The following RPS6KC1 variants were observed in gnomAD, a reference collection of about 807,000 sequenced individuals.
RPS6KC1 encodes the protein ribosomal protein S6 kinase C1.
A neutral mutation model predicts 103.8 loss-of-function variants in RPS6KC1; 54 were observed. The observed-to-expected ratio is 0.52, with a 90% CI of 0.42 to 0.65. The LOEUF (loss-of-function observed/expected upper bound fraction) is 0.65. Among genes scored for constraint, RPS6KC1 ranks in the 30% least tolerant of loss-of-function variants. The pLI is 0.00. For missense variants in RPS6KC1, 1,151 were observed against 1,253.8 expected (o/e 0.92, Z 1.24); for synonymous variants, 439 against 438.7 (o/e 1.00, Z -0.01).
chr1:213,272,698 G>A lies in RPS6KC1; in HGVS notation c.*64G>A. 8.3e-7 allele frequency: 1 copy of A among 1,204,000 alleles called. No individual in the cohort carries two copies. Among genetic ancestry groups the A allele is most frequent in the Non-Finnish European group, 1.2e-6 (1 of 812,480 alleles). The allele number at this position is 1,204,000 out of a possible 1,614,324, so 74.6% of individuals were successfully genotyped here. On this transcript the variant is annotated 3_prime_UTR_variant, in exon 15 of 15. Transcript: ENST00000366960. ...CTGTGACAGGCATCTCCAGCACTGA[G>A]GCACCTCTGACTCACAGTTACTTAT...
At chr1:213,058,786 A>G (rs954853811) in intron 1 of RPS6KC1, among the ~76,000 whole-genome samples, 1 of 152,178 alleles carries the variant, frequency 6.6e-6, no homozygotes, top group Non-Finnish European at 1.5e-5. Flanking sequence ...ATCTATAGCT[A>G]CAAAAAATCC....
At chr1:213,778,957 C>T in the RPS6KC1 span, among the ~76,000 whole-genome samples, 1 of 152,136 alleles carries the variant, frequency 6.6e-6, no homozygotes, top group Admixed American at 6.5e-5. Context: ...CTTTCCCAAG[C>T]ACACCAATGT....
the RPS6KC1 span, among the ~76,000 whole-genome samples, chr1:213,811,800 T>G: frequency 6.6e-6 from 1 of 152,230 alleles, no homozygotes; most frequent in East Asian, 1.9e-4. Flanking sequence ...TTTTGTGTTT[T>G]AGACTTTAGA....
At chr1:213,492,299 T>C in the RPS6KC1 span, 3 of 152,272 alleles carry the variant, frequency 2.0e-5, no homozygotes, top group African/African-American at 7.2e-5. Flanking sequence ...CCTTGGACAA[T>C]GGCTGCCCGT....
In RPS6KC1 at chr1:213,090,568, A is replaced by G. The variant is rs2080872128; in HGVS notation, c.262+12752A>G. Among the ~76,000 whole-genome samples the G allele has an allele frequency of 2.6e-5, 4 of 152,366 alleles. No homozygotes were observed. The South Asian group carries it at 8.3e-4, about 32-fold the overall frequency. On this transcript the variant is annotated intron_variant, in intron 3 of 14. Transcript: ENST00000366960. Reference sequence around the variant, plus strand: ...TATACAACAGGAAGAGTATAAATTCATACAGTTTCTTTGGAGGGCAATTTG... The same window carrying G: ...TATACAACAGGAAGAGTATAAATTCGTACAGTTTCTTTGGAGGGCAATTTG...
At chr1:213,530,840 A>G in the RPS6KC1 span, among the ~76,000 whole-genome samples, 1 of 152,204 alleles carries the variant, frequency 6.6e-6, no homozygotes, top group African/African-American at 2.4e-5. Flanking sequence ...GGGCAGGACA[A>G]GGCATGCCTC....
chr1:213,241,882 T>A lies in RPS6KC1; in HGVS notation c.2406T>A (p.Leu802=). 1 of 1,614,032 alleles carries A rather than the reference T, an allele frequency of 6.2e-7. No individual in the cohort carries two copies. The highest frequency in any genetic ancestry group is 8.5e-7 in the Non-Finnish European group (1 of 1,179,956). The change falls in exon 11 of 15, where the codon CTT becomes CTA. Residue 802 remains leucine (L), a synonymous_variant. Coordinates refer to ENST00000366960, the MANE Select transcript of RPS6KC1 (RefSeq NM_012424.6). ...GCTCAGATCCTAAGTTTCAAGGACT[T>A]GGAGTGGTTGAGTCAGCAGTAACTG... The part of the protein sequence containing the change: ...LPSSDPKFQG[L]GVVESAVTAN...
At chr1:213,100,258 CT>C (rs552923687) in intron 3 of RPS6KC1, among the ~76,000 whole-genome samples, 3 of 145,804 alleles carry the variant, frequency 2.1e-5, no homozygotes, top group African/African-American at 5.6e-5. Flanking sequence ...CTCATATATC[CT>C]TTTTTTTTGA....
Position 213,077,696 on chromosome 1 carries a change from A to G in RPS6KC1, c.142A>G (p.Ile48Val), listed in dbSNP as rs2079474230. The change falls in exon 3 of 15, where the codon ATA becomes GTA. Residue 48 changes from isoleucine (I) to valine (V), a missense_variant and splice_region_variant. Around this residue, in one of 3 missense-constraint regions of RPS6KC1, gnomAD observed 959 missense variants for 1,006.3 expected, o/e 0.95. Coordinates refer to ENST00000366960, the MANE Select transcript of RPS6KC1 (RefSeq NM_012424.6). Reference protein sequence around the residue: ...SRRNPEDVQEIIVWKRYSDFK... With the variant: ...SRRNPEDVQEVIVWKRYSDFK... ...ACATGTTTAATTTTTTTCTCTCTAG[A>G]TAATTGTATGGAAGAGATACAGTGA... 3 of 1,439,534 alleles carry G rather than the reference A, an allele frequency of 2.1e-6. No individual in the cohort carries two copies. The highest frequency in any genetic ancestry group is 1.4e-5 in the African/African-American group (1 of 69,808). The allele number at this position is 1,439,534 out of a possible 1,614,324, so 89.2% of individuals were successfully genotyped here.
the RPS6KC1 span, among the ~76,000 whole-genome samples, chr1:213,440,191 A>G: frequency 3.9e-5 from 6 of 151,982 alleles, no homozygotes; most frequent in African/African-American, 1.5e-4. Context: ...TCCTTCCCCA[A>G]CTCCCTACGA....
the RPS6KC1 span, among the ~76,000 whole-genome samples, chr1:213,447,962 G>A: frequency 6.6e-6 from 1 of 152,046 alleles, no homozygotes; most frequent in Non-Finnish European, 1.5e-5. Context: ...TGGGCATGGG[G>A]GCTCATGCCT....
intron 4 of RPS6KC1, among the ~76,000 whole-genome samples, chr1:213,108,991 C>T (rs1311087340): frequency 6.6e-6 from 1 of 151,950 alleles, no homozygotes; most frequent in Non-Finnish European, 1.5e-5. Flanking sequence ...CAGTTTGATG[C>T]TCTCCCAACT....
chr1:213,363,649 T>G, the RPS6KC1 span, among the ~76,000 whole-genome samples: 2,645 of 70,402 alleles, frequency 0.038, 286 homozygotes, highest in Non-Finnish European at 0.043. Context: ...TTTCTTTCTT[T>G]CTTTCTTTCT....
chr1:213,118,804 A>G (rs2084007410), intron 5 of RPS6KC1, among the ~76,000 whole-genome samples: 3 of 152,094 alleles, frequency 2.0e-5, no homozygotes. Context: ...AGTTCTCAGT[A>G]TCTTTGACTC....
At chr1:213,193,775 C>T (rs540266966) in intron 8 of RPS6KC1, among the ~76,000 whole-genome samples, 14 of 152,054 alleles carry the variant, frequency 9.2e-5, no homozygotes, top group Admixed American at 2.6e-4. Context: ...ACTATAGGTG[C>T]GCAATACCAT....
At chr1:213,614,056 G>A in the RPS6KC1 span, among the ~76,000 whole-genome samples, 91 of 152,332 alleles carry the variant, frequency 6.0e-4, 2 homozygotes, top group Non-Finnish European at 9.4e-4. Flanking sequence ...ATTTCTGGAC[G>A]TGTGTCTGTC....
chr1:213,233,422 G>A (rs961843147), intron 10 of RPS6KC1, among the ~76,000 whole-genome samples: 1 of 152,106 alleles, frequency 6.6e-6, no homozygotes, highest in South Asian at 2.1e-4. Flanking sequence ...AGCCACCTCT[G>A]GTGTGGAACA....
chr1:213,187,030 C>T (rs553719372), intron 8 of RPS6KC1, among the ~76,000 whole-genome samples: 13 of 152,148 alleles, frequency 8.5e-5, no homozygotes, highest in South Asian at 4.2e-4. Flanking sequence ...TCTTAGCCTC[C>T]GGAGTAACTG....
At chr1:213,483,151 C>T in the RPS6KC1 span, among the ~76,000 whole-genome samples, 17 of 152,178 alleles carry the variant, frequency 1.1e-4, no homozygotes, top group Non-Finnish European at 1.9e-4. Context: ...CATAAGGCAG[C>T]AGGAGGGAGA....
Sources: gnomAD v4.1 joint callset for allele counts (sites outside exome capture counted in the v4.1 genomes callset) on GRCh38, gnomAD v4.1.1 for gene constraint, gnomAD v4.1.1 regional missense constraint, MANE v1.5 for transcripts, NCBI Gene and HGNC (gene_info 2026-07-23, HGNC 2026-07-21) for gene names.